GDI2: variants seen among roughly 807,000 people sequenced by gnomAD.
GDI2 encodes the protein rab GDP dissociation inhibitor beta.
Under a neutral mutation model 54.2 loss-of-function variants are expected in GDI2, and 22 were observed. The ratio of observed to expected loss-of-function variants is 0.41; its 90% CI spans 0.29 to 0.58. The LOEUF (loss-of-function observed/expected upper bound fraction) is 0.58, where lower values mean the gene tolerates loss of function less well. GDI2 is among the 20% of genes least tolerant of loss of function. The pLI, the probability that GDI2 is intolerant of heterozygous loss-of-function variation, is 0.35. For synonymous variants in GDI2, 177 were observed against 182.1 expected (o/e 0.97, Z 0.23); for missense variants, 422 against 546.0 (o/e 0.77, Z 2.26).
chr10:5,767,201 A>G (rs993200114), intron 8 of GDI2, among the ~76,000 whole-genome samples: 2 of 152,146 alleles, frequency 1.3e-5, no homozygotes, highest in African/African-American at 4.8e-5. Context: ...GCCAAAAAAA[A>G]AAAACTCTGG....
intron 1 of GDI2, among the ~76,000 whole-genome samples, chr10:5,808,491 T>C (rs961336034): frequency 6.6e-6 from 1 of 151,958 alleles, no homozygotes; most frequent in Non-Finnish European, 1.5e-5. Flanking sequence ...CTGGCCAACA[T>C]GGTGAAACCC....
At chr10:5,770,182 GAGAA>G (rs1588965665) in intron 7 of GDI2, among the ~76,000 whole-genome samples, 2 of 152,318 alleles carry the variant, frequency 1.3e-5, no homozygotes, top group South Asian at 2.1e-4. Context: ...TAAAATCATA[GAGAA>G]AGAAAGTAGA....
intron 4 of GDI2, among the ~76,000 whole-genome samples, chr10:5,788,414 T>C (rs952969017): frequency 5.3e-5 from 8 of 152,196 alleles, no homozygotes; most frequent in African/African-American, 1.9e-4. Context: ...CCCACAGCAA[T>C]GGATCACCAT....
intron 1 of GDI2, 45 bp downstream of exon 1, chr10:5,813,168 GC>G (rs1238949931): frequency 7.8e-7 from 1 of 1,282,316 alleles, no homozygotes. Context: ...CCGGGGGTGC[GC>G]CCGCCCCGGC....
intron 1 of GDI2, among the ~76,000 whole-genome samples, chr10:5,806,079 ATTCAAC>A (rs1375753073): frequency 1.3e-5 from 2 of 152,244 alleles, no homozygotes; most frequent in East Asian, 3.8e-4. Context: ...GTATAAATAC[ATTCAAC>A]TTCAACAGAT....
At chr10:5,807,364 T>G (rs1045323829) in intron 1 of GDI2, among the ~76,000 whole-genome samples, 2 of 152,198 alleles carry the variant, frequency 1.3e-5, no homozygotes, top group African/African-American at 4.8e-5. Context: ...AAAACTAAGC[T>G]TCTCTTTTTC....
chr10:5,811,949 G>T lies in GDI2; in HGVS notation c.45+1265C>A, dbSNP rs969379013. The stretch of plus-strand genomic sequence containing the variant: ...GAGACATCTAAAAGTGTTATTTTGG[G>T]ATGTTACCTGTAAAAAAAAAAAAAA... On this transcript the variant is annotated intron_variant, in intron 1 of 10. Transcript: ENST00000380191. 5 of 1,044,446 alleles carry T rather than the reference G, an allele frequency of 4.8e-6. No individual in the cohort carries two copies. The Admixed American group carries it at 1.7e-4, about 36-fold the overall frequency. 64.7% of individuals were successfully genotyped at this position (1,044,446 alleles called of 1,614,324 possible).
chr10:5,799,602 A>G (rs1177605111), intron 2 of GDI2, among the ~76,000 whole-genome samples: 1 of 152,188 alleles, frequency 6.6e-6, no homozygotes, highest in African/African-American at 2.4e-5. Flanking sequence ...TAGGGAGGCG[A>G]GACTGTGCCA....
rs1359470699 is a variant in GDI2, at chr10:5,791,736, G to A, written c.388+3149C>T. 1.0e-4 allele frequency among the ~76,000 whole-genome samples: 13 copies of A among 124,670 alleles called. No homozygotes were observed. The South Asian group carries it at 1.6e-3, about 15-fold the overall frequency. 81.8% of individuals were successfully genotyped at this position (124,670 alleles called of 152,430 possible). A position where few individuals can be genotyped will look rare whatever the true frequency, so the allele number is the denominator to read the frequency against. ...GCCTGGGCAACAAGAGCGAAACTCC[G>A]TCTCAAAAAAAAAGAAAAAAAAAAA... On this transcript the variant is annotated intron_variant, in intron 4 of 10. Coordinates refer to ENST00000380191, the MANE Select transcript of GDI2 (RefSeq NM_001494.4).
chr10:5,780,987 C>A (rs1457133377), intron 6 of GDI2, among the ~76,000 whole-genome samples: 1 of 152,102 alleles, frequency 6.6e-6, no homozygotes, highest in Non-Finnish European at 1.5e-5. Flanking sequence ...TACTTCAAGA[C>A]TTAATATAAA....
intron 6 of GDI2, among the ~76,000 whole-genome samples, chr10:5,775,884 C>A (rs1840608310): frequency 6.6e-6 from 1 of 152,160 alleles, no homozygotes; most frequent in African/African-American, 2.4e-5. Flanking sequence ...GCCCGTGGAG[C>A]AGTGCTGGAG....
chr10:5,798,399 T>A (rs1245488479), intron 2 of GDI2, among the ~76,000 whole-genome samples: 1 of 148,590 alleles, frequency 6.7e-6, no homozygotes, highest in Non-Finnish European at 1.5e-5. Flanking sequence ...ACCAGCCTGA[T>A]CAACATGGTG....
Position 5,766,766 on chromosome 10 carries a change from T to TA in GDI2, c.992-129dup, listed in dbSNP as rs1840346298. ...CTCAATAGGCAAGATCTTCTACACTTAAGTTCTAAATGGTGACAGAGTTGG... is the reference window on the plus strand; with the variant it reads ...CTCAATAGGCAAGATCTTCTACACTTAAAGTTCTAAATGGTGACAGAGTTGG... On this transcript the variant is annotated intron_variant, in intron 8 of 10. Transcript: ENST00000380191. The surrounding 1 kb of genome is among the most constrained non-coding windows in gnomAD (Gnocchi z 5.8). 6 of 668,690 alleles carry TA rather than the reference T, an allele frequency of 9.0e-6. No individual in the cohort carries two copies. The highest frequency in any genetic ancestry group is 1.6e-5 in the Non-Finnish European group (6 of 382,298). The allele number at this position is 668,690 out of a possible 1,614,324, so 41.4% of individuals were successfully genotyped here.
chr10:5,804,143 G>A (rs901387974), intron 1 of GDI2, among the ~76,000 whole-genome samples: 3 of 151,754 alleles, frequency 2.0e-5, no homozygotes, highest in African/African-American at 7.3e-5. Flanking sequence ...GCCCAGACTG[G>A]AGTGCAGTGG....
In GDI2 at chr10:5,779,582, A is replaced by C. The variant is rs114904605; in HGVS notation, c.719+5560T>G. Among the ~76,000 whole-genome samples the C allele has an allele frequency of 5.0e-3, 766 of 151,986 alleles. 9 individuals carry two copies. The highest frequency in any genetic ancestry group is 0.018 in the African/African-American group (735 of 41,510). On this transcript the variant is annotated intron_variant, in intron 6 of 10. Transcript: ENST00000380191. ...GTATAAAAAAATTAAAATTCACTGA[A>C]TGAGATTAACAGCCTATTGAAAATA...
Position 5,768,155 on chromosome 10 carries a change from A to G in GDI2, c.991+58T>C. The G allele has an allele frequency of 1.4e-6, 2 of 1,447,872 alleles. No homozygotes were observed. Among genetic ancestry groups the G allele is most frequent in the Non-Finnish European group, 1.9e-6 (2 of 1,038,082 alleles). The allele number at this position is 1,447,872 out of a possible 1,614,324, so 89.7% of individuals were successfully genotyped here. A position where few individuals can be genotyped will look rare whatever the true frequency, so the allele number is the denominator to read the frequency against. On this transcript the variant is annotated intron_variant, in intron 8 of 10. Transcript: ENST00000380191. The surrounding 1 kb of genome is among the most constrained non-coding windows in gnomAD (Gnocchi z 4.4). ...CAAAATTAGGAATTTGGGATAAAAC[A>G]CAAAGCAAATTATATCTTACAAAAT... is the stretch of plus-strand genomic sequence containing the variant.
intron 6 of GDI2, among the ~76,000 whole-genome samples, chr10:5,781,539 G>A (rs1403689335): frequency 6.7e-6 from 1 of 149,256 alleles, no homozygotes; most frequent in Non-Finnish European, 1.5e-5. Context: ...GCAGGAGAAT[G>A]GCGTGAACCC....
rs75588909 is a variant in GDI2 at position 5,793,326 on chromosome 10, C to T, written c.388+1559G>A. 5.9e-3 allele frequency among the ~76,000 whole-genome samples: 901 copies of T among 152,230 alleles called. 12 individuals are homozygous for T. The highest frequency in any genetic ancestry group is 0.041 in the Middle Eastern group (12 of 294). On this transcript the variant is annotated intron_variant, in intron 4 of 10. Coordinates refer to ENST00000380191, the MANE Select transcript of GDI2 (RefSeq NM_001494.4). ...AAAAAGGATTCTATTCAAACTCAAA[C>T]TCCTACTTCTATGAAGATACTTTAT... is the stretch of plus-strand genomic sequence containing the variant.
intron 6 of GDI2, among the ~76,000 whole-genome samples, chr10:5,784,180 G>A (rs1207881499): frequency 4.0e-5 from 6 of 149,578 alleles, no homozygotes; most frequent in East Asian, 3.9e-4. Flanking sequence ...CCTTGTCTTC[G>A]AACTCTGAAA....
Sources: gnomAD v4.1 joint callset for allele counts (sites outside exome capture counted in the v4.1 genomes callset) on GRCh38, gnomAD v4.1.1 for gene constraint, Gnocchi (gnomAD v3.1) non-coding constraint, MANE v1.5 for transcripts, NCBI Gene and HGNC (gene_info 2026-07-23, HGNC 2026-07-21) for gene names.